Variants in LMBR1 observed in about 807,000 individuals in gnomAD.
The protein encoded by LMBR1 is limb development membrane protein 1, also known as limb region 1 protein homolog.
Under a neutral mutation model 73.9 loss-of-function variants are expected in LMBR1, and 52 were observed. That is an observed-to-expected ratio of 0.70 (90% CI 0.56 to 0.89). LMBR1 has a LOEUF of 0.89. Among genes scored for constraint, LMBR1 ranks in the 40% least tolerant of loss-of-function variants. The pLI, the probability that LMBR1 is intolerant of heterozygous loss-of-function variation, is 0.00. For synonymous variants in LMBR1, 215 were observed against 209.4 expected, an observed-to-expected ratio of 1.03 and a Z score of -0.23; for missense variants, 539 against 579.8, an observed-to-expected ratio of 0.93 and a Z score of 0.72.
At chr7:156,774,341 A>G (rs1825744751) in intron 5 of LMBR1, among the ~76,000 whole-genome samples, 1 of 152,226 alleles carries the variant, frequency 6.6e-6, no homozygotes, top group Non-Finnish European at 1.5e-5. Flanking sequence ...ACTACCATTT[A>G]ATCCAGCAAT....
At chr7:156,737,394 T>A (rs1172456586) in intron 9 of LMBR1, among the ~76,000 whole-genome samples, 2 of 152,192 alleles carry the variant, frequency 1.3e-5, no homozygotes, top group Non-Finnish European at 2.9e-5. Context: ...TTGTCCCCAG[T>A]GTTCTTGATG....
intron 5 of LMBR1, among the ~76,000 whole-genome samples, chr7:156,769,831 T>G (rs1824845713): frequency 1.3e-5 from 2 of 152,226 alleles, no homozygotes; most frequent in South Asian, 4.1e-4. Flanking sequence ...TAAGCCAGGC[T>G]GCTCTGTGGC....
chr7:156,860,148 G>T (rs183192483), intron 1 of LMBR1, among the ~76,000 whole-genome samples: 1 of 152,136 alleles, frequency 6.6e-6, no homozygotes, highest in East Asian at 1.9e-4. Context: ...GTATTAGTCT[G>T]TTTTCACACT....
At chr7:156,811,422 C>T (rs1833078197) in intron 4 of LMBR1, among the ~76,000 whole-genome samples, 1 of 151,494 alleles carries the variant, frequency 6.6e-6, no homozygotes, top group African/African-American at 2.4e-5. Context: ...CCATCCTGGC[C>T]AACATGGTGA....
intron 1 of LMBR1, among the ~76,000 whole-genome samples, chr7:156,880,578 G>C (rs1012906456): frequency 2.0e-5 from 3 of 152,010 alleles, no homozygotes; most frequent in Non-Finnish European, 4.4e-5. Context: ...TCATGGATTG[G>C]AAGATTTAAT....
intron 4 of LMBR1, among the ~76,000 whole-genome samples, chr7:156,803,759 A>G (rs1585897949): frequency 6.6e-6 from 1 of 152,078 alleles, no homozygotes; most frequent in East Asian, 1.9e-4. Flanking sequence ...TCCAACAATG[A>G]TAGACTGGAT....
rs184834323 is a variant in LMBR1, at chr7:156,729,127, A to G, written c.839-407T>C. ...CTAACATGGTGAGATTACAGGCACG[A>G]ACTACGATACCCAGACAAAAATCAG... On this transcript the variant is annotated intron_variant, in intron 10 of 16. Coordinates refer to ENST00000353442, the MANE Select transcript of LMBR1 (RefSeq NM_022458.4). 1.8e-4 allele frequency among the ~76,000 whole-genome samples: 27 copies of G among 152,284 alleles called. No individual in the cohort carries two copies. The East Asian group carries it at 4.6e-3, about 26-fold the overall frequency.
intron 4 of LMBR1, among the ~76,000 whole-genome samples, chr7:156,816,105 A>G (rs1287217019): frequency 6.6e-6 from 1 of 152,146 alleles, no homozygotes; most frequent in South Asian, 2.1e-4. Flanking sequence ...CAAATCACTA[A>G]AAAGTATCTC....
intron 5 of LMBR1, among the ~76,000 whole-genome samples, chr7:156,764,281 C>CCATTGTAATCCAG (rs1823683829): frequency 6.6e-6 from 1 of 152,150 alleles, no homozygotes; most frequent in South Asian, 2.1e-4. Context: ...GAAGAACTGT[C>CCATTGTAATCCAG]CATTGTAATC....
At chr7:156,786,330 A>C (rs1337242492) in intron 5 of LMBR1, among the ~76,000 whole-genome samples, 1 of 152,180 alleles carries the variant, frequency 6.6e-6, no homozygotes, top group Non-Finnish European at 1.5e-5. Flanking sequence ...AGTGATTCCC[A>C]GTGCTACAAG....
intron 4 of LMBR1, among the ~76,000 whole-genome samples, chr7:156,816,234 C>A (rs1267066301): frequency 6.6e-6 from 1 of 151,690 alleles, no homozygotes; most frequent in African/African-American, 2.4e-5. Flanking sequence ...GAGACAGAGT[C>A]TCACTCTGCT....
chr7:156,840,028 A>C (rs924232988), intron 1 of LMBR1, among the ~76,000 whole-genome samples: 1 of 152,234 alleles, frequency 6.6e-6, no homozygotes, highest in African/African-American at 2.4e-5. Flanking sequence ...AGAAGACAGA[A>C]ACACAGTGAA....
intron 4 of LMBR1, among the ~76,000 whole-genome samples, chr7:156,797,342 A>G (rs1165806518): frequency 6.6e-6 from 1 of 152,216 alleles, no homozygotes; most frequent in Non-Finnish European, 1.5e-5. Flanking sequence ...AAAATTTAAA[A>G]CTGAGTTTCA....
intron 1 of LMBR1, among the ~76,000 whole-genome samples, chr7:156,852,929 A>G (rs1292198374): frequency 6.6e-6 from 1 of 152,048 alleles, no homozygotes; most frequent in Non-Finnish European, 1.5e-5. Context: ...TGAACAGTAA[A>G]TTACAAATAA....
intron 15 of LMBR1, among the ~76,000 whole-genome samples, chr7:156,714,373 G>C (rs571443634): frequency 6.6e-6 from 1 of 152,334 alleles, no homozygotes; most frequent in African/African-American, 2.4e-5. Context: ...GGTTTTGCCG[G>C]AGAACGGCTG....
chr7:156,847,905 G>A (rs1251256749), intron 1 of LMBR1, among the ~76,000 whole-genome samples: 1 of 152,070 alleles, frequency 6.6e-6, no homozygotes, highest in Non-Finnish European at 1.5e-5. Flanking sequence ...CAGCAATCCC[G>A]TTAGATTTGG....
intron 15 of LMBR1, among the ~76,000 whole-genome samples, chr7:156,690,510 G>C (rs2131915814): frequency 6.6e-6 from 1 of 152,276 alleles, no homozygotes; most frequent in Non-Finnish European, 1.5e-5. Flanking sequence ...AAGAATGGAA[G>C]GTATGTTTTG....
intron 9 of LMBR1, among the ~76,000 whole-genome samples, chr7:156,744,408 T>C (rs1819489040): frequency 6.6e-6 from 1 of 152,130 alleles, no homozygotes; most frequent in Non-Finnish European, 1.5e-5. Context: ...ATCTTTTTGA[T>C]TTTCTATTGA....
intron 3 of LMBR1, among the ~76,000 whole-genome samples, chr7:156,833,000 G>A (rs1472540065): frequency 6.6e-6 from 1 of 152,160 alleles, no homozygotes; most frequent in African/African-American, 2.4e-5. Context: ...CGCTGTCTAT[G>A]CTAATTTCAC....
Sources: allele counts gnomAD v4.1 joint callset (sites outside exome capture counted in the v4.1 genomes callset), GRCh38; gene constraint gnomAD v4.1.1; transcripts MANE v1.5; gene names NCBI Gene and HGNC (gene_info 2026-07-23, HGNC 2026-07-21).